FAM167A: variants seen among roughly 807,000 people sequenced by gnomAD.
The protein encoded by FAM167A is protein FAM167A.
A neutral mutation model predicts 14.9 loss-of-function variants in FAM167A; 23 were observed. The ratio of observed to expected loss-of-function variants is 1.55; its 90% CI spans 1.11 to 2.19. The LOEUF (loss-of-function observed/expected upper bound fraction) is 2.19, where lower values mean the gene tolerates loss of function less well. FAM167A is among the 30% of genes most tolerant of loss of function. FAM167A has a pLI of 0.00. For synonymous variants in FAM167A, 174 were observed against 117.7 expected (o/e 1.48, Z -3.10); for missense variants, 401 against 281.5 (o/e 1.42, Z -3.04).
upstream of FAM167A, among the ~76,000 whole-genome samples, chr8:11,469,755 C>T (rs1274482443): frequency 6.6e-6 from 1 of 151,984 alleles, no homozygotes; most frequent in East Asian, 1.9e-4. Flanking sequence ...TGGTGGTACA[C>T]ACCTGAAGTC....
intron 2 of FAM167A, among the ~76,000 whole-genome samples, chr8:11,436,502 T>C (rs1806025463): frequency 6.6e-6 from 1 of 152,172 alleles, no homozygotes; most frequent in African/African-American, 2.4e-5. Context: ...TGGGGGTCTC[T>C]GGGCCAGTCG....
intron 2 of FAM167A, 81 bp downstream of exon 2, chr8:11,443,950 C>CAG: frequency 6.7e-7 from 1 of 1,492,928 alleles, no homozygotes; most frequent in South Asian, 1.3e-5. Flanking sequence ...GGTGGGGAGA[C>CAG]AGACAGAGAG....
At chr8:11,461,393 C>A (rs1181436881) in intron 1 of FAM167A, among the ~76,000 whole-genome samples, 1 of 152,272 alleles carries the variant, frequency 6.6e-6, no homozygotes, top group Non-Finnish European at 1.5e-5. Flanking sequence ...CAGCCTGCTG[C>A]CGCCCCGCCA....
At chr8:11,456,271 G>C (rs1312941031) in intron 1 of FAM167A, among the ~76,000 whole-genome samples, 2 of 141,650 alleles carry the variant, frequency 1.4e-5, no homozygotes, top group East Asian at 4.2e-4. Flanking sequence ...TGTAAGGGTT[G>C]GTTGCCTTGT....
intron 1 of FAM167A, among the ~76,000 whole-genome samples, chr8:11,472,841 C>T (rs1318195171): frequency 2.0e-5 from 3 of 152,202 alleles, no homozygotes; most frequent in Admixed American, 2.0e-4. Context: ...CCCCTGATTC[C>T]ATGACACTCT....
intron 2 of FAM167A, among the ~76,000 whole-genome samples, chr8:11,430,017 C>T (rs1392213397): frequency 6.6e-6 from 1 of 152,200 alleles, no homozygotes; most frequent in Non-Finnish European, 1.5e-5. Flanking sequence ...CAGCAAGGAC[C>T]TCCCAGTTTT....
At chr8:11,471,452 C>T (rs935003332), upstream of FAM167A, among the ~76,000 whole-genome samples, 16 of 152,174 alleles carry the variant, frequency 1.1e-4, no homozygotes, top group South Asian at 2.1e-4. Context: ...TGAGGCCCCC[C>T]GCATGTCCCA....
intron 1 of FAM167A, among the ~76,000 whole-genome samples, chr8:11,448,034 A>G (rs988193311): frequency 6.6e-5 from 10 of 152,082 alleles, no homozygotes; most frequent in Admixed American, 6.5e-4. Flanking sequence ...TCTCTACTAA[A>G]AATACAAAAA....
chr8:11,423,091 TCTC>T lies in FAM167A; in HGVS notation c.*1279_*1281del, dbSNP rs1486379263. 1 of 152,480 alleles carries T rather than the reference TCTC, an allele frequency of 6.6e-6. No homozygotes were observed. Among genetic ancestry groups the T allele is most frequent in the Non-Finnish European group, 1.5e-5 (1 of 68,014 alleles). The allele number at this position is 152,480 out of a possible 1,614,324, so 9.4% of individuals were successfully genotyped here. ...AGCTGTGCAACCTGAGGGAAGTCCT[TCTC>T]CTCCCCCAGGTTTCACTTTGCTCCT... On this transcript the variant is annotated 3_prime_UTR_variant, in exon 3 of 3. Transcript: ENST00000284486.
chr8:11,466,402 C>T (rs559437960), intron 1 of FAM167A, among the ~76,000 whole-genome samples: 147 of 152,364 alleles, frequency 9.6e-4, no homozygotes, highest in African/African-American at 3.5e-3. Flanking sequence ...CCCTGGCTGC[C>T]CGGCTCCTCT....
intron 1 of FAM167A, among the ~76,000 whole-genome samples, chr8:11,456,517 G>A (rs1400372343): frequency 6.8e-6 from 1 of 147,812 alleles, no homozygotes; most frequent in African/African-American, 2.5e-5. Context: ...GTGAGTGTGG[G>A]GGCTGGCTGC....
At chr8:11,443,217 C>G (rs1174233358) in intron 2 of FAM167A, among the ~76,000 whole-genome samples, 4 of 152,192 alleles carry the variant, frequency 2.6e-5, no homozygotes, top group African/African-American at 9.7e-5. Flanking sequence ...ACGGGTGATT[C>G]TCCCCTGGGG....
chr8:11,448,055 G>A (rs28448403), intron 1 of FAM167A, among the ~76,000 whole-genome samples: 46,304 of 152,062 alleles, frequency 0.3, 7,638 homozygotes, highest in African/African-American at 0.38. Context: ...TTAGCTGGGC[G>A]TAGTGGCGCA....
At chr8:11,457,696 C>G (rs1312757448) in intron 1 of FAM167A, among the ~76,000 whole-genome samples, 1 of 152,194 alleles carries the variant, frequency 6.6e-6, no homozygotes, top group Non-Finnish European at 1.5e-5. Flanking sequence ...GGCAGTCCAT[C>G]TGGCCCTTTG....
intron 1 of FAM167A, 76 bp from the exon 2 acceptor site, chr8:11,444,884 G>A (rs1208740130): frequency 2.1e-6 from 2 of 972,756 alleles, no homozygotes; most frequent in South Asian, 4.8e-5. Context: ...CACTCCACAG[G>A]AGGGGAAACT....
upstream of FAM167A, among the ~76,000 whole-genome samples, chr8:11,468,516 G>A (rs1395439147): frequency 6.6e-6 from 1 of 152,220 alleles, no homozygotes; most frequent in East Asian, 1.9e-4. Flanking sequence ...GTAGGCTCCG[G>A]AAGGGCATGA....
intron 1 of FAM167A, among the ~76,000 whole-genome samples, chr8:11,464,350 G>A (rs974332246): frequency 1.3e-5 from 2 of 152,120 alleles, no homozygotes; most frequent in African/African-American, 2.4e-5. Flanking sequence ...CACGGCCCTC[G>A]GTGGCAGCTC....
At chr8:11,457,168 G>A (rs986830874) in intron 1 of FAM167A, among the ~76,000 whole-genome samples, 1 of 151,638 alleles carries the variant, frequency 6.6e-6, no homozygotes, top group African/African-American at 2.4e-5. Context: ...GGGCTCCACA[G>A]GACAGCGCTC....
At chr8:11,446,685 C>G (rs1806798096) in intron 1 of FAM167A, 1 of 152,198 alleles carries the variant, frequency 6.6e-6, no homozygotes, top group Non-Finnish European at 1.5e-5. Context: ...AACTAAAATT[C>G]ACCGGCACTC....
Sources: gnomAD v4.1 joint callset for allele counts (sites outside exome capture counted in the v4.1 genomes callset) on GRCh38, gnomAD v4.1.1 for gene constraint, MANE v1.5 for transcripts, NCBI Gene and HGNC (gene_info 2026-07-23, HGNC 2026-07-21) for gene names.